The following ATP8A1 variants were observed in gnomAD, a reference collection of about 807,000 sequenced individuals.
ATP8A1 encodes the protein phospholipid-transporting ATPase IA.
Under a neutral mutation model 177.7 loss-of-function variants are expected in ATP8A1, and 90 were observed. The ratio of observed to expected loss-of-function variants is 0.51; its 90% CI spans 0.43 to 0.60. ATP8A1 has a LOEUF of 0.60. Among genes scored for constraint, ATP8A1 ranks in the 20% least tolerant of loss-of-function variants. ATP8A1 has a pLI of 0.00. For synonymous variants in ATP8A1, 493 were observed against 485.9 expected, an observed-to-expected ratio of 1.01 and a Z score of -0.19; for missense variants, 1,072 against 1,392.8, an observed-to-expected ratio of 0.77 and a Z score of 3.67.
intron 12 of ATP8A1, among the ~76,000 whole-genome samples, chr4:42,576,018 C>A (rs949689685): frequency 3.9e-5 from 6 of 152,134 alleles, no homozygotes; most frequent in African/African-American, 1.4e-4. Context: ...AGATACCACA[C>A]AAAGTGCTTC....
chr4:42,518,556 T>C (rs1442564297), intron 22 of ATP8A1, among the ~76,000 whole-genome samples: 1 of 152,186 alleles, frequency 6.6e-6, no homozygotes, highest in Non-Finnish European at 1.5e-5. Context: ...AGTCCTGCTT[T>C]CGTCAATTAT....
At chr4:42,565,923 C>A (rs1731297938) in intron 15 of ATP8A1, among the ~76,000 whole-genome samples, 1 of 152,180 alleles carries the variant, frequency 6.6e-6, no homozygotes, top group African/African-American at 2.4e-5. Context: ...CAATCTAGAG[C>A]AGTAGATTTT....
chr4:42,501,498 T>G (rs1020044033), intron 24 of ATP8A1, among the ~76,000 whole-genome samples: 6 of 152,252 alleles, frequency 3.9e-5, no homozygotes, highest in African/African-American at 1.4e-4. Context: ...AAATTGTCAC[T>G]TGACAAAACA....
intron 20 of ATP8A1, among the ~76,000 whole-genome samples, chr4:42,539,529 C>G (rs568479249): frequency 6.6e-6 from 1 of 151,876 alleles, no homozygotes; most frequent in South Asian, 2.1e-4. Flanking sequence ...AAGCTGGGGG[C>G]ATCACATTAC....
intron 4 of ATP8A1, among the ~76,000 whole-genome samples, chr4:42,622,790 GCCTGAGGTCGGGAGTT>G (rs895734738): frequency 2.0e-5 from 3 of 152,126 alleles, no homozygotes; most frequent in Admixed American, 6.5e-5. Context: ...CAGGTGGATT[GCCTGAGGTCGGGAGTT>G]CGAGACCAGC....
intron 15 of ATP8A1, 43 bp downstream of exon 15, chr4:42,569,118 C>A: frequency 6.7e-7 from 1 of 1,481,988 alleles, no homozygotes; most frequent in Non-Finnish European, 9.1e-7. Context: ...AAATGCAAAC[C>A]TTTTATAGGG....
chr4:42,484,960 G>A (rs937803968), intron 25 of ATP8A1, among the ~76,000 whole-genome samples: 3 of 152,184 alleles, frequency 2.0e-5, no homozygotes, highest in Admixed American at 6.5e-5. Context: ...AGGAAGGACT[G>A]GAGCTATGTC....
chr4:42,655,529 T>G (rs1269861052), intron 1 of ATP8A1, among the ~76,000 whole-genome samples: 2 of 152,242 alleles, frequency 1.3e-5, no homozygotes, highest in East Asian at 3.8e-4. Flanking sequence ...AAATGAATTT[T>G]TACAGTGTGC....
At chr4:42,442,286 A>T (rs1716718381) in intron 33 of ATP8A1, among the ~76,000 whole-genome samples, 1 of 152,252 alleles carries the variant, frequency 6.6e-6, no homozygotes, top group Admixed American at 6.5e-5. Context: ...AGGGAAAGGC[A>T]GGTCCAATGA....
chr4:42,488,565 C>T (rs964944596), intron 24 of ATP8A1, among the ~76,000 whole-genome samples: 2 of 152,152 alleles, frequency 1.3e-5, no homozygotes, highest in African/African-American at 4.8e-5. Flanking sequence ...ATTTAAAACA[C>T]AAATCTTGTC....
intron 23 of ATP8A1, 134 bp from the exon 24 acceptor site, chr4:42,503,648 G>T: frequency 3.5e-6 from 2 of 568,860 alleles, no homozygotes; most frequent in African/African-American, 1.9e-5. Context: ...TGTTTTCCAG[G>T]TTTGTAGGAA....
intron 33 of ATP8A1, among the ~76,000 whole-genome samples, chr4:42,431,288 C>A (rs1188645169): frequency 6.6e-6 from 1 of 152,088 alleles, no homozygotes; most frequent in Admixed American, 6.5e-5. Context: ...TCTTTCTCTG[C>A]ATTTATAATT....
chr4:42,409,186 A>G lies in ATP8A1; in HGVS notation c.*3730T>C, dbSNP rs1712305160. The G allele has an allele frequency of 6.6e-6, 1 of 152,218 alleles. No homozygotes were observed. The highest frequency in any genetic ancestry group is 1.5e-5 in the Non-Finnish European group (1 of 68,024). The allele number at this position is 152,218 out of a possible 1,614,324, so 9.4% of individuals were successfully genotyped here. ...CAGCAATAGCCATGCATTGGCCTGG[A>G]TCACTTTAAATATGAACTCATGCAA... On this transcript the variant is annotated 3_prime_UTR_variant, in exon 37 of 37. Transcript: ENST00000381668.
At chr4:42,472,760 AAAAAG>A (rs1720583818) in intron 25 of ATP8A1, among the ~76,000 whole-genome samples, 2 of 146,950 alleles carry the variant, frequency 1.4e-5, no homozygotes, top group South Asian at 4.5e-4. Context: ...AAAAAAAAAA[AAAAAG>A]AGAGAAAAAG....
At chr4:42,595,193 T>C (rs1297958646) in intron 6 of ATP8A1, among the ~76,000 whole-genome samples, 1 of 152,042 alleles carries the variant, frequency 6.6e-6, no homozygotes, top group Non-Finnish European at 1.5e-5. Context: ...ACTTAATAGA[T>C]GGAAAAAAAA....
In ATP8A1 at chr4:42,643,830, C is replaced by T. The variant is rs572191639; in HGVS notation, c.49+12995G>A. ...AGAGGTTAAGTGACATGCTCAAGGC[C>T]GCACAGCTTTGAAGGGCCAGAACAC... On this transcript the variant is annotated intron_variant, in intron 1 of 36. Transcript: ENST00000381668. Among the ~76,000 whole-genome samples, 7 of 152,256 alleles carry T rather than the reference C, an allele frequency of 4.6e-5. No individual in the cohort carries two copies. The South Asian group carries it at 1.2e-3, about 27-fold the overall frequency.
rs536684227 is a variant in ATP8A1 at position 42,595,699 on chromosome 4, C to G, written c.450+4779G>C. On this transcript the variant is annotated intron_variant, in intron 6 of 36. Coordinates refer to ENST00000381668, the MANE Select transcript of ATP8A1 (RefSeq NM_006095.2). ...TGCATCCAGGTTACCATTTAATTTT[C>G]TTTAATCAACTCCTGTATGTTAATG... 3.7e-4 allele frequency among the ~76,000 whole-genome samples: 56 copies of G among 152,290 alleles called. 1 individual carries two copies. Among genetic ancestry groups the G allele is most frequent in the African/African-American group, 1.3e-3 (55 of 41,570 alleles).
At chr4:42,467,796 T>C (rs1440407187) in intron 25 of ATP8A1, among the ~76,000 whole-genome samples, 1 of 152,248 alleles carries the variant, frequency 6.6e-6, no homozygotes, top group African/African-American at 2.4e-5. Flanking sequence ...TTGTTGGCCA[T>C]CTGTATATCT....
At chr4:42,515,532 C>T (rs1045545296) in intron 22 of ATP8A1, among the ~76,000 whole-genome samples, 1 of 152,176 alleles carries the variant, frequency 6.6e-6, no homozygotes, top group Admixed American at 6.5e-5. Flanking sequence ...TATTACGCCA[C>T]ATCAAGGGAC....
Sources: gnomAD v4.1 joint callset for allele counts (sites outside exome capture counted in the v4.1 genomes callset) on GRCh38, gnomAD v4.1.1 for gene constraint, MANE v1.5 for transcripts, NCBI Gene and HGNC (gene_info 2026-07-23, HGNC 2026-07-21) for gene names.